C11orf65: variants seen among roughly 807,000 people sequenced by gnomAD.
C11orf65 encodes the protein chromosome 11 open reading frame 65, also known as protein MFI.
In C11orf65, 38 loss-of-function variants were observed where a neutral mutation model predicts 35.3. The observed-to-expected ratio is 1.08, with a 90% confidence interval of 0.83 to 1.41. The LOEUF is 1.41. Ranked by LOEUF, C11orf65 falls within the 40% of genes most tolerant of loss-of-function variation. The pLI, the probability that C11orf65 is intolerant of heterozygous loss-of-function variation, is 0.00. For missense variants in C11orf65, 370 were observed against 367.1 expected (o/e 1.01, Z -0.06); for synonymous variants, 105 against 114.4 (o/e 0.92, Z 0.53).
intron 1 of C11orf65, 130 bp from the exon 2 acceptor site, chr11:108,461,698 G>T: frequency 3.5e-6 from 2 of 578,858 alleles, no homozygotes; most frequent in Non-Finnish European, 6.0e-6. Context: ...TGCGATGATA[G>T]CTCACTGTAG....
At chr11:108,415,962 A>C (rs1421266089) in intron 3 of C11orf65, among the ~76,000 whole-genome samples, 1 of 152,234 alleles carries the variant, frequency 6.6e-6, no homozygotes, top group Non-Finnish European at 1.5e-5. Flanking sequence ...CCTTTCACAA[A>C]ACAGTAACTA....
intron 6 of C11orf65, among the ~76,000 whole-genome samples, chr11:108,400,063 T>C (rs1178048614): frequency 2.0e-5 from 3 of 152,194 alleles, no homozygotes; most frequent in Admixed American, 6.5e-5. Flanking sequence ...CTTGACCACA[T>C]TGTGGATCTG....
intron 5 of C11orf65, 132 bp from the exon 6 acceptor site, chr11:108,405,691 T>G: frequency 1.1e-6 from 1 of 899,750 alleles, no homozygotes; most frequent in Non-Finnish European, 1.7e-6. Flanking sequence ...ATAGATACTT[T>G]CAAGGTATTT....
chr11:108,368,124 G>A (rs562960650), intron 2 of C11orf65: 26 of 206,600 alleles, frequency 1.3e-4, no homozygotes, highest in Non-Finnish European at 2.2e-4. Context: ...CTAATCAATG[G>A]CTTTGAAAAG....
intron 2 of C11orf65, among the ~76,000 whole-genome samples, chr11:108,373,639 G>C (rs923054803): frequency 6.6e-6 from 1 of 152,250 alleles, no homozygotes; most frequent in Non-Finnish European, 1.5e-5. Context: ...TGAGATACCG[G>C]GTTCATCTCA....
At chr11:108,466,205 G>T (rs915768440) in intron 1 of C11orf65, among the ~76,000 whole-genome samples, 1 of 152,184 alleles carries the variant, frequency 6.6e-6, no homozygotes, top group Non-Finnish European at 1.5e-5. Flanking sequence ...AAATAAGATC[G>T]ACTTTATATG....
rs1591178124 is a variant in C11orf65, at chr11:108,332,780, A to T, written c.300-1213T>A. 1 of 1,613,226 alleles carries T rather than the reference A, an allele frequency of 6.2e-7. No individual in the cohort carries two copies. The highest frequency in any genetic ancestry group is 2.2e-5 in the East Asian group (1 of 44,778). On this transcript the variant is annotated intron_variant, in intron 3 of 3. Transcript: ENST00000524755. ...TTAATAGGATCGAACAGAGGCTGCA[A>T]ATAGAATAATATGTACTATCAGAAG...
chr11:108,327,734 C>A, downstream of C11orf65: 2 of 1,613,832 alleles, frequency 1.2e-6, no homozygotes, highest in South Asian at 2.2e-5. Context: ...ATCCTGCGGT[C>A]ATCATGCAGA....
intron 2 of C11orf65, among the ~76,000 whole-genome samples, chr11:108,339,569 C>G (rs1236110419): frequency 1.3e-5 from 2 of 151,992 alleles, no homozygotes; most frequent in Admixed American, 6.6e-5. Flanking sequence ...TTGAAATCTT[C>G]CAGAGAGTCT....
chr11:108,375,738 C>T (rs1177523941), intron 2 of C11orf65, among the ~76,000 whole-genome samples: 2 of 151,752 alleles, frequency 1.3e-5, no homozygotes, highest in African/African-American at 2.4e-5. Context: ...ATTCAGGAAA[C>T]CCATCTCACG....
In C11orf65 at chr11:108,325,611, A is replaced by G. The variant is rs1237643342; in HGVS notation, c.641-16540T>C. 1.5e-5 allele frequency: 20 copies of G among 1,320,876 alleles called. No individual in the cohort carries two copies. The East Asian group carries it at 3.3e-4, about 22-fold the overall frequency. The allele number at this position is 1,320,876 out of a possible 1,614,324, so 81.8% of individuals were successfully genotyped here. On this transcript the variant is annotated intron_variant, in intron 6 of 6. Coordinates refer to the C11orf65 transcript ENST00000525729. ...TCCTTTTATTATTTAAAAAACAGAA[A>G]GCCTGAGGGAAAAAGAAATGTCATT...
chr11:108,453,979 T>C (rs1037195287), intron 2 of C11orf65, among the ~76,000 whole-genome samples: 1 of 152,214 alleles, frequency 6.6e-6, no homozygotes, highest in Non-Finnish European at 1.5e-5. Context: ...CAGATTATTA[T>C]TTCTTCTTTA....
intron 1 of C11orf65, among the ~76,000 whole-genome samples, chr11:108,465,683 GT>G (rs200598317): frequency 3.7e-4 from 55 of 149,604 alleles, no homozygotes; most frequent in East Asian, 1.6e-3. Context: ...TGGATTAAAG[GT>G]TTTTTTTTAA....
intron 1 of C11orf65, among the ~76,000 whole-genome samples, chr11:108,462,890 CAGG>C (rs2093488936): frequency 6.6e-6 from 1 of 152,130 alleles, no homozygotes; most frequent in South Asian, 2.1e-4. Flanking sequence ...GAGGCCAAGG[CAGG>C]AGGATTTCTT....
intron 3 of C11orf65, among the ~76,000 whole-genome samples, chr11:108,413,017 A>G (rs2092683132): frequency 6.6e-6 from 1 of 152,250 alleles, no homozygotes. Context: ...AGATTCAGCA[A>G]GTCAGAAAAC....
chr11:108,452,280 A>C (rs2093358569), intron 2 of C11orf65, among the ~76,000 whole-genome samples: 1 of 152,232 alleles, frequency 6.6e-6, no homozygotes, highest in African/African-American at 2.4e-5. Context: ...AATATCAAGA[A>C]TCTACAAAGA....
At chr11:108,405,582 A>T in intron 5 of C11orf65, 23 bp from the exon 6 acceptor site, 1 of 1,608,588 alleles carries the variant, frequency 6.2e-7, no homozygotes, top group Non-Finnish European at 8.5e-7. Context: ...AAAAATGAAC[A>T]TACAAAATGT....
At position 108,332,793 on chromosome 11, in the gene C11orf65, G is replaced by A. The variant is rs2136563154; in HGVS notation, c.300-1226C>T. The A allele has an allele frequency of 6.2e-7, 1 of 1,613,240 alleles. No individual in the cohort carries two copies. The highest frequency in any genetic ancestry group is 1.1e-5 in the South Asian group (1 of 91,066). ...ACAGAGGCTGCAAATAGAATAATAT[G>A]TACTATCAGAAGTAGGAGACCTCAG... On this transcript the variant is annotated intron_variant, in intron 3 of 3. Transcript: ENST00000524755.
chr11:108,359,577 A>G (rs551069404), intron 2 of C11orf65, among the ~76,000 whole-genome samples: 260 of 152,324 alleles, frequency 1.7e-3, no homozygotes, highest in Non-Finnish European at 3.1e-3. Context: ...GTAAAAGAAC[A>G]GAGATTATAA....
Sources: allele counts gnomAD v4.1 joint callset (sites outside exome capture counted in the v4.1 genomes callset), GRCh38; gene constraint gnomAD v4.1.1; transcripts MANE v1.5; gene names NCBI Gene and HGNC (gene_info 2026-07-23, HGNC 2026-07-21).